Variants in SCD5 observed in about 807,000 individuals in gnomAD.
SCD5 encodes the protein acyl-CoA-desaturase 4.
A neutral mutation model predicts 30.4 loss-of-function variants in SCD5; 20 were observed. That is an observed-to-expected ratio of 0.66 (90% CI 0.46 to 0.96). SCD5 has a LOEUF of 0.96. Among genes scored for constraint, SCD5 ranks in the 40% least tolerant of loss-of-function variants. The probability of loss-of-function intolerance (pLI) is 0.00; values close to 1 mark genes in which losing one functional copy is unlikely to be tolerated. For synonymous variants in SCD5, 173 were observed against 176.4 expected (o/e 0.98, Z 0.16); for missense variants, 381 against 443.3 (o/e 0.86, Z 1.26).
intron 1 of SCD5, among the ~76,000 whole-genome samples, chr4:82,754,205 A>G (rs1193687902): frequency 6.6e-6 from 1 of 152,330 alleles, no homozygotes; most frequent in Middle Eastern, 3.4e-3. Context: ...AGGGAGAGAA[A>G]GCGGGAAATC....
rs147772288 is a variant in SCD5, at chr4:82,761,572, G to A, written c.232+36734C>T. ...TCCCACAGCACCTTCTCCCAGCCTC[G>A]TTTCTTTTTTTTTTATTATTATTAT... On this transcript the variant is annotated intron_variant, in intron 1 of 4. Transcript: ENST00000319540. 7.7e-4 allele frequency among the ~76,000 whole-genome samples: 117 copies of A among 151,810 alleles called. 1 individual carries two copies. The East Asian group carries it at 0.019, about 24-fold the overall frequency.
Position 82,798,624 on chromosome 4 carries a change from G to C in SCD5, c.-87C>G. The C allele has an allele frequency of 8.5e-7, 1 of 1,175,440 alleles. No individual in the cohort carries two copies. Among genetic ancestry groups the C allele is most frequent in the East Asian group, 2.6e-5 (1 of 38,804 alleles). 72.8% of individuals were successfully genotyped at this position (1,175,440 alleles called of 1,614,324 possible). Reference sequence around the variant, plus strand: ...CTCGAGGGTGGGGGCGGGGGCTTCTGCCTTTTAGGGGGGAATTCTCCGCAC... The same window carrying C: ...CTCGAGGGTGGGGGCGGGGGCTTCTCCCTTTTAGGGGGGAATTCTCCGCAC... On this transcript the variant is annotated 5_prime_UTR_variant, in exon 1 of 5. Coordinates refer to ENST00000319540, the MANE Select transcript of SCD5 (RefSeq NM_001037582.3).
intron 1 of SCD5, among the ~76,000 whole-genome samples, chr4:82,794,453 G>A (rs568079404): frequency 6.6e-6 from 1 of 152,258 alleles, no homozygotes; most frequent in South Asian, 2.1e-4. Flanking sequence ...GCCATCAGGG[G>A]AGGCTCCGCT....
chr4:82,678,830 T>A (rs1249218476), intron 3 of SCD5, among the ~76,000 whole-genome samples: 3 of 152,232 alleles, frequency 2.0e-5, no homozygotes, highest in African/African-American at 7.2e-5. Flanking sequence ...GAATTTTTCA[T>A]CTTTTTCTCT....
At chr4:82,797,724 C>G (rs1722255806) in intron 1 of SCD5, among the ~76,000 whole-genome samples, 1 of 151,858 alleles carries the variant, frequency 6.6e-6, no homozygotes, top group Admixed American at 6.6e-5. Flanking sequence ...GGGGCAGGGA[C>G]AGGGGCCTTG....
At chr4:82,742,968 G>C (rs1289810293) in intron 1 of SCD5, among the ~76,000 whole-genome samples, 1 of 152,104 alleles carries the variant, frequency 6.6e-6, no homozygotes, top group African/African-American at 2.4e-5. Context: ...TCAGAAACTA[G>C]CTAGCACACT....
intron 1 of SCD5, among the ~76,000 whole-genome samples, chr4:82,727,550 G>A (rs1560545512): frequency 6.6e-6 from 1 of 152,112 alleles, no homozygotes; most frequent in East Asian, 1.9e-4. Context: ...TTCTCTTTTA[G>A]TCTTTTCAGA....
At chr4:82,724,729 G>T (rs1720436383) in intron 1 of SCD5, among the ~76,000 whole-genome samples, 4 of 152,188 alleles carry the variant, frequency 2.6e-5, no homozygotes. Context: ...GACTAAAGAT[G>T]AGAAATGTCA....
rs112256965 is a variant in SCD5, at chr4:82,697,594, T to TA, written c.363+7688dup. Reference sequence around the variant, plus strand: ...TTCACTGACCTAGATCCCCAACAAATAAGCAAGTAAGGCATCTTAGGGGTG... The same window carrying TA: ...TTCACTGACCTAGATCCCCAACAAATAAAGCAAGTAAGGCATCTTAGGGGTG... On this transcript the variant is annotated intron_variant, in intron 2 of 4. Transcript: ENST00000319540. Among the ~76,000 whole-genome samples the TA allele has an allele frequency of 3.7e-3, 566 of 152,232 alleles. 7 individuals are homozygous for TA. Among genetic ancestry groups the TA allele is most frequent in the African/African-American group, 0.013 (537 of 41,548 alleles).
At chr4:82,697,511 C>T (rs1009675009) in intron 2 of SCD5, among the ~76,000 whole-genome samples, 7 of 152,168 alleles carry the variant, frequency 4.6e-5, no homozygotes, top group Admixed American at 1.3e-4. Context: ...CTCAGACTGT[C>T]ACATTTTCAT....
chr4:82,693,888 T>C (rs1295172328), intron 2 of SCD5, among the ~76,000 whole-genome samples: 1 of 152,174 alleles, frequency 6.6e-6, no homozygotes, highest in Non-Finnish European at 1.5e-5. Flanking sequence ...CTCTGGATAT[T>C]GCACACACTG....
At chr4:82,756,336 A>T (rs958948903) in intron 1 of SCD5, among the ~76,000 whole-genome samples, 2 of 152,190 alleles carry the variant, frequency 1.3e-5, no homozygotes, top group African/African-American at 4.8e-5. Context: ...CGCTGGAGTT[A>T]AACTACACGG....
At chr4:82,706,532 T>C (rs577548519) in intron 1 of SCD5, among the ~76,000 whole-genome samples, 8 of 152,384 alleles carry the variant, frequency 5.2e-5, no homozygotes, top group Non-Finnish European at 8.8e-5. Flanking sequence ...TTCTAACAAC[T>C]GGAATTTGGC....
intron 3 of SCD5, among the ~76,000 whole-genome samples, chr4:82,648,089 C>T (rs2148814045): frequency 6.6e-6 from 1 of 152,328 alleles, no homozygotes; most frequent in East Asian, 1.9e-4. Context: ...GGAGGTGAGG[C>T]AGCTAACAGG....
intron 3 of SCD5, among the ~76,000 whole-genome samples, chr4:82,640,336 C>A (rs1397125561): frequency 6.6e-6 from 1 of 152,178 alleles, no homozygotes; most frequent in Non-Finnish European, 1.5e-5. Context: ...CCGGGCTTCC[C>A]CAACTAGAAC....
chr4:82,745,978 T>C (rs1217730978), intron 1 of SCD5, among the ~76,000 whole-genome samples: 1 of 152,210 alleles, frequency 6.6e-6, no homozygotes, highest in East Asian at 1.9e-4. Context: ...GCAAAAAGTA[T>C]AGTACCTGTC....
At chr4:82,771,800 G>C (rs781240841) in intron 1 of SCD5, among the ~76,000 whole-genome samples, 10 of 152,188 alleles carry the variant, frequency 6.6e-5, no homozygotes, top group African/African-American at 9.7e-5. Flanking sequence ...ATAAAAAAAG[G>C]TGAAAACTGT....
At chr4:82,795,009 T>G (rs141685478) in intron 1 of SCD5, among the ~76,000 whole-genome samples, 3 of 152,090 alleles carry the variant, frequency 2.0e-5, no homozygotes, top group Non-Finnish European at 4.4e-5. Context: ...ACCAAGAGCA[T>G]TCTGTCCTGA....
intron 3 of SCD5, among the ~76,000 whole-genome samples, chr4:82,665,276 G>C (rs1052837477): frequency 6.9e-6 from 1 of 145,250 alleles, no homozygotes; most frequent in African/African-American, 2.5e-5. Context: ...AGAGAAACAG[G>C]TTAAAAAAAT....
Sources: gnomAD v4.1 joint callset for allele counts (sites outside exome capture counted in the v4.1 genomes callset) on GRCh38, gnomAD v4.1.1 for gene constraint, MANE v1.5 for transcripts, NCBI Gene and HGNC (gene_info 2026-07-23, HGNC 2026-07-21) for gene names.